Variants in HTRA3 observed in about 807,000 individuals in gnomAD.
HTRA3 encodes the protein HtrA serine peptidase 3, also known as serine protease HTRA3.
Under a neutral mutation model 43.2 loss-of-function variants are expected in HTRA3, and 41 were observed. That is an observed-to-expected ratio of 0.95 (90% CI 0.74 to 1.23). The LOEUF is 1.23. Among genes scored for constraint, HTRA3 ranks in the 50% most tolerant of loss-of-function variants. HTRA3 has a pLI of 0.00. For missense variants in HTRA3, 628 were observed against 647.1 expected, an observed-to-expected ratio of 0.97 and a Z score of 0.32; for synonymous variants, 295 against 287.9, an observed-to-expected ratio of 1.02 and a Z score of -0.25.
chr4:8,287,223 C>G (rs919849965), intron 3 of HTRA3, among the ~76,000 whole-genome samples: 2 of 152,190 alleles, frequency 1.3e-5, no homozygotes, highest in African/African-American at 4.8e-5. Flanking sequence ...GTACCTCCCA[C>G]CAGCTGACCC....
Position 8,304,226 on chromosome 4 carries a change from G to A in HTRA3, c.1143G>A (p.Glu381=), listed in dbSNP as rs745661944. 22 of 1,614,086 alleles carry A rather than the reference G, an allele frequency of 1.4e-5. No individual in the cohort carries two copies. The highest frequency in any genetic ancestry group is 5.3e-5 in the African/African-American group (4 of 74,912). ...AGGCCAGCAACCCGGACTTCCCAGA[G>A]GTCAGCAGTGGAATTTATGTGCAAG... ...ELKASNPDFP[E]VSSGIYVQEV... The change falls in exon 8 of 9, where the codon GAG becomes GAA. Residue 381 remains glutamate, a synonymous_variant. Transcript: ENST00000307358.
At chr4:8,276,116 C>A (rs1451711652) in intron 1 of HTRA3, among the ~76,000 whole-genome samples, 1 of 152,262 alleles carries the variant, frequency 6.6e-6, no homozygotes, top group African/African-American at 2.4e-5. Flanking sequence ...GTGCAATGTA[C>A]AGCCTGCCCA....
chr4:8,275,254 G>A (rs1400767432), intron 1 of HTRA3, among the ~76,000 whole-genome samples: 2 of 152,210 alleles, frequency 1.3e-5, no homozygotes, highest in Non-Finnish European at 2.9e-5. Flanking sequence ...GCCATCCTGT[G>A]GTCTTCCCCC....
chr4:8,277,042 C>T (rs1016823297), intron 1 of HTRA3, among the ~76,000 whole-genome samples: 3 of 152,326 alleles, frequency 2.0e-5, no homozygotes, highest in African/African-American at 7.2e-5. Flanking sequence ...GGGGAGGCAG[C>T]GGGTTCCTCT....
At chr4:8,277,240 A>C in intron 1 of HTRA3, among the ~76,000 whole-genome samples, 1 of 152,128 alleles carries the variant, frequency 6.6e-6, no homozygotes, top group South Asian at 2.1e-4. Context: ...AGTTTTCCAG[A>C]GGAGGAAAAG....
At chr4:8,301,601 T>C (rs1713659960) in intron 6 of HTRA3, among the ~76,000 whole-genome samples, 1 of 152,204 alleles carries the variant, frequency 6.6e-6, no homozygotes. Flanking sequence ...TTGGTCTTTT[T>C]ATAGTTTTTA....
At position 8,294,109 on chromosome 4, in the gene HTRA3, A is replaced by C; in HGVS notation, c.959A>C (p.Asn320Thr). The C allele has an allele frequency of 6.2e-7, 1 of 1,611,640 alleles. No individual in the cohort carries two copies. The highest frequency in any genetic ancestry group is 8.5e-7 in the Non-Finnish European group (1 of 1,178,842). The change falls in exon 6 of 9, where the codon AAC becomes ACC. Residue 320 changes from asparagine (N) to threonine (T), a missense_variant. Physicochemically the swap from Asn to Thr is moderately conservative, Grantham distance 65. Transcript: ENST00000307358. ...VNLDGEVIGI[N>T]TLKVTAGISF... ...CAGGATGGCGAGGTCATTGGCATCAACACGCTCAAGGTCACGGCTGGCATC... is the reference window on the plus strand; with the variant it reads ...CAGGATGGCGAGGTCATTGGCATCACCACGCTCAAGGTCACGGCTGGCATC...
chr4:8,280,306 T>C (rs758322414), intron 1 of HTRA3, among the ~76,000 whole-genome samples: 1 of 152,096 alleles, frequency 6.6e-6, no homozygotes, highest in Non-Finnish European at 1.5e-5. Flanking sequence ...TCCTCCCTCC[T>C]GGAGGGAGGA....
In HTRA3 at chr4:8,269,789, C is replaced by T; in HGVS notation, c.-180C>T. Reference sequence around the variant, plus strand: ...AGGGAGCTGGTCCCTGCGCTCCCTGCGCCCTGGGGATGCCCCTGCCGCCCT... The same window carrying T: ...AGGGAGCTGGTCCCTGCGCTCCCTGTGCCCTGGGGATGCCCCTGCCGCCCT... On this transcript the variant is annotated 5_prime_UTR_variant, in exon 1 of 9. Transcript: ENST00000307358. 6.1e-6 allele frequency: 1 copy of T among 164,010 alleles called. No individual in the cohort carries two copies. The highest frequency in any genetic ancestry group is 1.3e-5 in the Non-Finnish European group (1 of 78,008). The allele number at this position is 164,010 out of a possible 1,614,324, so 10.2% of individuals were successfully genotyped here.
intron 1 of HTRA3, among the ~76,000 whole-genome samples, chr4:8,281,788 C>T (rs1338011334): frequency 2.0e-5 from 3 of 152,236 alleles, no homozygotes; most frequent in African/African-American, 7.2e-5. Flanking sequence ...GGGAAGGGTC[C>T]AGGGAAGTTC....
Position 8,296,198 on chromosome 4 carries a change from C to T in HTRA3, c.1051+1997C>T. The stretch of plus-strand genomic sequence containing the variant: ...TGATAGTGTCCTCTTCCCTTCTTGC[C>T]TCTCTCTTTCTCCTGAGACAGGATC... On this transcript the variant is annotated intron_variant, in intron 6 of 8. Coordinates refer to ENST00000307358, the MANE Select transcript of HTRA3 (RefSeq NM_053044.5). This position sits in a 1 kb window ranked among gnomAD's most constrained non-coding sequence, Gnocchi z 5.3. The T allele has an allele frequency of 3.0e-6, 3 of 986,070 alleles. No homozygotes were observed. Among genetic ancestry groups the T allele is most frequent in the Non-Finnish European group, 3.6e-6 (3 of 830,390 alleles). 61.1% of individuals were successfully genotyped at this position (986,070 alleles called of 1,614,324 possible).
At chr4:8,271,608 C>G (rs1560132250) in intron 1 of HTRA3, among the ~76,000 whole-genome samples, 1 of 152,166 alleles carries the variant, frequency 6.6e-6, no homozygotes. Flanking sequence ...ATGTATTTCT[C>G]GCAGCTCTGG....
At chr4:8,298,669 A>G (rs1483384852) in intron 6 of HTRA3, among the ~76,000 whole-genome samples, 2 of 152,210 alleles carry the variant, frequency 1.3e-5, no homozygotes, top group South Asian at 2.1e-4. Flanking sequence ...TTGAATTAGT[A>G]TATTTTTAAA....
chr4:8,271,649 C>G (rs1712281655), intron 1 of HTRA3, among the ~76,000 whole-genome samples: 1 of 152,206 alleles, frequency 6.6e-6, no homozygotes, highest in Non-Finnish European at 1.5e-5. Flanking sequence ...AAGGTGCCAG[C>G]AGGCTTGGTT....
At chr4:8,282,991 C>T (rs1015887578) in intron 2 of HTRA3, among the ~76,000 whole-genome samples, 1 of 151,940 alleles carries the variant, frequency 6.6e-6, no homozygotes, top group Non-Finnish European at 1.5e-5. Context: ...ACAAGCTAAG[C>T]CTGAAGTAGG....
At chr4:8,285,482 C>T (rs566817000) in intron 2 of HTRA3, among the ~76,000 whole-genome samples, 28 of 152,190 alleles carry the variant, frequency 1.8e-4, no homozygotes, top group Non-Finnish European at 3.5e-4. Context: ...CACCTGCCTG[C>T]ACGTGCCAGA....
chr4:8,288,566 T>G (rs1713090033), intron 3 of HTRA3, among the ~76,000 whole-genome samples: 1 of 130,302 alleles, frequency 7.7e-6, no homozygotes. Flanking sequence ...TGAACCACCG[T>G]GCCTAGCCTT....
Position 8,306,222 on chromosome 4 carries a change from TC to T in HTRA3, c.*87del. ...CCGAGATCAGGACGAAGGACCACCGTCGGTCCTCAGCAGGGCGGCAGCCTCC... is the reference window on the plus strand; with the variant it reads ...CCGAGATCAGGACGAAGGACCACCGTGGTCCTCAGCAGGGCGGCAGCCTCC... On this transcript the variant is annotated 3_prime_UTR_variant, in exon 9 of 9. Transcript: ENST00000307358. This position sits in a 1 kb window ranked among gnomAD's most constrained non-coding sequence, Gnocchi z 8.9. The T allele has an allele frequency of 7.1e-7, 1 of 1,401,090 alleles. No individual in the cohort carries two copies. Among genetic ancestry groups the T allele is most frequent in the Non-Finnish European group, 9.5e-7 (1 of 1,052,334 alleles). The allele number at this position is 1,401,090 out of a possible 1,614,324, so 86.8% of individuals were successfully genotyped here.
intron 3 of HTRA3, among the ~76,000 whole-genome samples, chr4:8,290,213 C>T (rs1713179054): frequency 6.6e-6 from 1 of 152,248 alleles, no homozygotes; most frequent in African/African-American, 2.4e-5. Context: ...CAGCGCCCGC[C>T]CACCAAGGGC....
Sources: gnomAD v4.1 joint callset for allele counts (sites outside exome capture counted in the v4.1 genomes callset) on GRCh38, gnomAD v4.1.1 for gene constraint, Gnocchi (gnomAD v3.1) non-coding constraint, MANE v1.5 for transcripts, NCBI Gene and HGNC (gene_info 2026-07-23, HGNC 2026-07-21) for gene names.